The following CEP135 variants were observed in gnomAD, a reference collection of about 807,000 sequenced individuals.
CEP135 encodes the protein centrosomal protein 135.
Under a neutral mutation model 157.3 loss-of-function variants are expected in CEP135, and 142 were observed. That is an observed-to-expected ratio of 0.90 (90% CI 0.79 to 1.04). The LOEUF (loss-of-function observed/expected upper bound fraction) is 1.04. Ranked by LOEUF, CEP135 falls within the 50% of genes least tolerant of loss-of-function variation. The pLI is 0.00. For synonymous variants in CEP135, 396 were observed against 439.8 expected (o/e 0.90, Z 1.25); for missense variants, 1,317 against 1,309.2 (o/e 1.01, Z -0.09).
intron 19 of CEP135, 95 bp downstream of exon 19, chr4:56,009,998 T>A: frequency 8.3e-7 from 1 of 1,211,824 alleles, no homozygotes; most frequent in Non-Finnish European, 1.2e-6. Flanking sequence ...TCTGATGATA[T>A]AAAAATAAGT....
At chr4:55,989,234 T>A (rs1729707167) in intron 14 of CEP135, among the ~76,000 whole-genome samples, 1 of 152,198 alleles carries the variant, frequency 6.6e-6, no homozygotes, top group African/African-American at 2.4e-5. Context: ...CTACATTTTT[T>A]AAAGAAATGC....
intron 11 of CEP135, among the ~76,000 whole-genome samples, chr4:55,979,203 A>T (rs144417603): frequency 7.2e-5 from 11 of 152,172 alleles, no homozygotes; most frequent in African/African-American, 2.7e-4. Flanking sequence ...TAACATTAAG[A>T]TACCATAGAT....
intron 6 of CEP135, among the ~76,000 whole-genome samples, chr4:55,963,706 A>G (rs917421408): frequency 6.6e-6 from 1 of 152,242 alleles, no homozygotes; most frequent in South Asian, 2.1e-4. Context: ...AGATCATGCC[A>G]CTGCACTCCA....
At chr4:55,989,772 G>T (rs944643635) in intron 14 of CEP135, among the ~76,000 whole-genome samples, 30 of 152,162 alleles carry the variant, frequency 2.0e-4, no homozygotes, top group African/African-American at 6.8e-4. Flanking sequence ...TTTACATCAA[G>T]GCATTAGAAA....
rs1728815130 is a variant in CEP135 at position 55,965,581 on chromosome 4, GA to G, written c.829-60del. ...ATATAGTTTTTTGAAGTATTATTTGGAAAGTCAGTGTTTAGGATAATTTTCC... is the reference window on the plus strand; with the variant it reads ...ATATAGTTTTTTGAAGTATTATTTGGAAGTCAGTGTTTAGGATAATTTTCC... On this transcript the variant is annotated intron_variant, in intron 7 of 25. Transcript: ENST00000257287. 12 of 1,056,306 alleles carry G rather than the reference GA, an allele frequency of 1.1e-5. No individual in the cohort carries two copies. The South Asian group carries it at 1.8e-4, about 16-fold the overall frequency. 65.4% of individuals were successfully genotyped at this position (1,056,306 alleles called of 1,614,324 possible). A position where few individuals can be genotyped will look rare whatever the true frequency, so the allele number is the denominator to read the frequency against.
intron 25 of CEP135, among the ~76,000 whole-genome samples, chr4:56,030,406 T>C (rs1731299702): frequency 6.6e-6 from 1 of 152,234 alleles, no homozygotes; most frequent in Non-Finnish European, 1.5e-5. Flanking sequence ...GACCAAAATA[T>C]CATTATGGAA....
chr4:55,956,966 T>A (rs1471805417), intron 4 of CEP135, among the ~76,000 whole-genome samples: 3 of 152,136 alleles, frequency 2.0e-5, no homozygotes, highest in African/African-American at 7.2e-5. Flanking sequence ...TGGGCAAACA[T>A]ATTAAGCCTG....
intron 14 of CEP135, among the ~76,000 whole-genome samples, chr4:55,991,543 T>C (rs1729797451): frequency 6.6e-6 from 1 of 152,182 alleles, no homozygotes; most frequent in South Asian, 2.1e-4. Context: ...TTTCTTCACA[T>C]AGATCTTGCC....
chr4:55,959,963 T>A lies in CEP135; in HGVS notation c.699+197T>A, dbSNP rs568550315. The A allele has an allele frequency of 7.1e-5, 43 of 609,644 alleles. No individual in the cohort carries two copies. The African/African-American group carries it at 7.4e-4, about 11-fold the overall frequency. The allele number at this position is 609,644 out of a possible 1,614,324, so 37.8% of individuals were successfully genotyped here. On this transcript the variant is annotated intron_variant, in intron 6 of 25. Coordinates refer to ENST00000257287, the MANE Select transcript of CEP135 (RefSeq NM_025009.5). ...ACTTAGCCTGTCTCTTCAAAAAATT[T>A]AAAAATTAGCCAAGTGTGGTGGCAT...
intron 14 of CEP135, among the ~76,000 whole-genome samples, chr4:55,988,067 G>A (rs1292242760): frequency 6.6e-6 from 1 of 151,992 alleles, no homozygotes; most frequent in African/African-American, 2.4e-5. Flanking sequence ...ATCTTTATAG[G>A]AAACATTATG....
chr4:56,018,699 G>A (rs570868783), intron 22 of CEP135, among the ~76,000 whole-genome samples: 11 of 152,136 alleles, frequency 7.2e-5, no homozygotes, highest in South Asian at 2.1e-4. Context: ...TGTCGAGGCC[G>A]CAGTAAGCAG....
chr4:56,002,370 C>T (rs1730206667), intron 17 of CEP135, among the ~76,000 whole-genome samples: 1 of 151,988 alleles, frequency 6.6e-6, no homozygotes, highest in South Asian at 2.1e-4. Flanking sequence ...ATTATGTTGG[C>T]CCTAGGGTTA....
At chr4:56,028,208 T>A (rs1731217897) in intron 25 of CEP135, among the ~76,000 whole-genome samples, 1 of 152,196 alleles carries the variant, frequency 6.6e-6, no homozygotes, top group African/African-American at 2.4e-5. Flanking sequence ...TCTGTTTTAG[T>A]CCTTGTTTTC....
At chr4:55,952,415 T>G (rs1348956077) in intron 2 of CEP135, 172 bp downstream of exon 2, 3 of 542,556 alleles carry the variant, frequency 5.5e-6, no homozygotes, top group Non-Finnish European at 1.0e-5. Flanking sequence ...ACGGCAGAAC[T>G]CTAAAGGCCA....
chr4:56,014,949 A>G (rs1429706540), intron 21 of CEP135, among the ~76,000 whole-genome samples: 1 of 152,098 alleles, frequency 6.6e-6, no homozygotes, highest in East Asian at 1.9e-4. Flanking sequence ...AGTCCCAGCT[A>G]CTTGGGGGGC....
chr4:56,020,619 G>C (rs1026139997), intron 23 of CEP135, 57 bp from the exon 24 acceptor site: 1 of 1,400,562 alleles, frequency 7.1e-7, no homozygotes, highest in Non-Finnish European at 1.0e-6. Context: ...AAAACCCACA[G>C]CACCTGACTC....
chr4:56,012,107 G>C (rs1730608981), intron 21 of CEP135, 122 bp downstream of exon 21: 1 of 599,716 alleles, frequency 1.7e-6, no homozygotes, highest in Non-Finnish European at 2.6e-6. Context: ...GCCCAGGCTG[G>C]AGTGCAATGG....
intron 20 of CEP135, 40 bp from the exon 21 acceptor site, chr4:56,011,760 A>G (rs1230186310): frequency 1.3e-6 from 2 of 1,498,812 alleles, no homozygotes; most frequent in Non-Finnish European, 1.8e-6. Flanking sequence ...AGGAAGTGAC[A>G]ATTACTAATT....
chr4:56,010,697 T>C (rs189790948), intron 19 of CEP135, among the ~76,000 whole-genome samples: 90 of 152,312 alleles, frequency 5.9e-4, no homozygotes, highest in African/African-American at 1.9e-3. Context: ...TGGCAAGTAC[T>C]GAAAGGTGTT....
Sources: allele counts gnomAD v4.1 joint callset (sites outside exome capture counted in the v4.1 genomes callset), GRCh38; gene constraint gnomAD v4.1.1; transcripts MANE v1.5; gene names NCBI Gene and HGNC (gene_info 2026-07-23, HGNC 2026-07-21).